PYGL: variants seen among roughly 807,000 people sequenced by gnomAD.
The protein encoded by PYGL is glycogen phosphorylase L, also known as glycogen phosphorylase, liver form.
A neutral mutation model predicts 100.1 loss-of-function variants in PYGL; 90 were observed. The observed-to-expected ratio is 0.90, with a 90% CI of 0.76 to 1.07. PYGL has a LOEUF of 1.07. Among genes scored for constraint, PYGL ranks in the 50% least tolerant of loss-of-function variants. PYGL has a pLI of 0.00. For missense variants in PYGL, 1,016 were observed against 1,057.6 expected (o/e 0.96, Z 0.55); for synonymous variants, 373 against 393.0 (o/e 0.95, Z 0.60).
chr14:50,935,290 T>C, intron 2 of PYGL, 105 bp from the exon 3 acceptor site: 2 of 937,424 alleles, frequency 2.1e-6, no homozygotes, highest in Non-Finnish European at 3.4e-6. Context: ...GGTTTAGCTG[T>C]GTACCTAATC....
At chr14:50,924,505 G>T (rs956027609) in intron 4 of PYGL, among the ~76,000 whole-genome samples, 1 of 152,050 alleles carries the variant, frequency 6.6e-6, no homozygotes. Flanking sequence ...GATGTTTATC[G>T]TTGGATACCT....
intron 5 of PYGL, chr14:50,923,152 T>C (rs977737494): frequency 1.1e-4 from 17 of 152,240 alleles, no homozygotes; most frequent in African/African-American, 2.7e-4. Context: ...CTCTCTCTAA[T>C]TGAATTTCTG....
At chr14:50,933,047 G>A (rs1298097228) in intron 3 of PYGL, among the ~76,000 whole-genome samples, 1 of 152,168 alleles carries the variant, frequency 6.6e-6, no homozygotes, top group African/African-American at 2.4e-5. Flanking sequence ...TATCTTTAGA[G>A]GGGGTCCCAA....
intron 16 of PYGL, among the ~76,000 whole-genome samples, chr14:50,911,389 T>G (rs775484453): frequency 6.6e-6 from 1 of 152,232 alleles, no homozygotes; most frequent in Non-Finnish European, 1.5e-5. Flanking sequence ...TGGTGTTCTC[T>G]TGCAAAACTG....
rs750336848 is a variant in PYGL at position 50,912,320 on chromosome 14, T to A, written c.1621-17A>T. The A allele has an allele frequency of 1.2e-6, 2 of 1,613,122 alleles. No individual in the cohort carries two copies. Among genetic ancestry groups the A allele is most frequent in the Non-Finnish European group, 1.7e-6 (2 of 1,179,578 alleles). On this transcript the variant is annotated splice_polypyrimidine_tract_variant and intron_variant, in intron 13 of 19. Transcript: ENST00000216392. ...CTTATTCTCCTGTTAAGACAGTGCA[T>A]GGTGCCAGAGCTCTTTTGGCCTAGA...
At chr14:50,906,088 C>T (rs2050333496) in intron 19 of PYGL, among the ~76,000 whole-genome samples, 1 of 152,200 alleles carries the variant, frequency 6.6e-6, no homozygotes, top group Admixed American at 6.5e-5. Flanking sequence ...TAGGCTTACA[C>T]TGAGTCCCAA....
intron 2 of PYGL, among the ~76,000 whole-genome samples, chr14:50,936,611 C>A (rs2139196323): frequency 6.6e-6 from 1 of 152,236 alleles, no homozygotes; most frequent in African/African-American, 2.4e-5. Flanking sequence ...GAGTTCGAGA[C>A]CAGCTTGGCC....
intron 17 of PYGL, among the ~76,000 whole-genome samples, chr14:50,909,380 C>T (rs1014402490): frequency 6.6e-6 from 1 of 152,178 alleles, no homozygotes; most frequent in Non-Finnish European, 1.5e-5. Flanking sequence ...TCAACATCCT[C>T]CAAATGTTAC....
At chr14:50,908,707 A>C (rs2050358536) in intron 18 of PYGL, 114 bp downstream of exon 18, 6 of 1,433,010 alleles carry the variant, frequency 4.2e-6, no homozygotes, top group Non-Finnish European at 3.9e-6. Context: ...AGTGGGTTTA[A>C]GTTGGTTTAA....
chr14:50,908,138 TG>T (rs1222780405), intron 19 of PYGL, 132 bp downstream of exon 19: 20 of 677,072 alleles, frequency 3.0e-5, no homozygotes, highest in South Asian at 9.8e-5. Flanking sequence ...TTGTTTTTGT[TG>T]TTTTTTTTTT....
chr14:50,923,892 A>G (rs2050523602), intron 5 of PYGL, 77 bp downstream of exon 5: 2 of 1,507,062 alleles, frequency 1.3e-6, no homozygotes, highest in East Asian at 2.3e-5. Flanking sequence ...TATCACCACT[A>G]TATGCTACAT....
intron 7 of PYGL, among the ~76,000 whole-genome samples, chr14:50,919,991 T>G (rs1250720946): frequency 7.3e-6 from 1 of 137,166 alleles, no homozygotes; most frequent in Non-Finnish European, 1.6e-5. Flanking sequence ...GCCCCAAGTG[T>G]TTTTTTTTTT....
intron 4 of PYGL, among the ~76,000 whole-genome samples, chr14:50,927,270 G>A (rs1042205375): frequency 6.6e-6 from 1 of 152,068 alleles, no homozygotes; most frequent in Non-Finnish European, 1.5e-5. Flanking sequence ...TGTCGCCCAG[G>A]CTGGAGTCCA....
chr14:50,909,330 C>G (rs1167244799), intron 17 of PYGL, among the ~76,000 whole-genome samples: 1 of 152,146 alleles, frequency 6.6e-6, no homozygotes, highest in African/African-American at 2.4e-5. Flanking sequence ...AAAGTTGTTG[C>G]TACTGAGTGA....
chr14:50,907,102 T>C (rs1355807429), intron 19 of PYGL, among the ~76,000 whole-genome samples: 2 of 152,322 alleles, frequency 1.3e-5, no homozygotes, highest in Admixed American at 6.5e-5. Flanking sequence ...ATGATCAACC[T>C]TTTTACATAT....
In PYGL at chr14:50,919,658, T is replaced by A. The variant is rs995681795; in HGVS notation, c.855+883A>T. On this transcript the variant is annotated intron_variant, in intron 7 of 19. Coordinates refer to ENST00000216392, the MANE Select transcript of PYGL (RefSeq NM_002863.5). ...TCAATAGCAGTTATCTGAGATCCAGTTCCAAGTGGTGTGTGTGTGTGTGTG... is the reference window on the plus strand; with the variant it reads ...TCAATAGCAGTTATCTGAGATCCAGATCCAAGTGGTGTGTGTGTGTGTGTG... Among the ~76,000 whole-genome samples, 6 of 137,152 alleles carry A rather than the reference T, an allele frequency of 4.4e-5. No individual in the cohort carries two copies. The South Asian group carries it at 1.2e-3, about 28-fold the overall frequency. 90.0% of individuals were successfully genotyped at this position (137,152 alleles called of 152,430 possible). A position where few individuals can be genotyped will look rare whatever the true frequency, so the allele number is the denominator to read the frequency against.
intron 19 of PYGL, among the ~76,000 whole-genome samples, chr14:50,907,147 C>T (rs191288778): frequency 2.6e-5 from 4 of 152,266 alleles, no homozygotes; most frequent in East Asian, 1.9e-4. Context: ...TTTGATAAAG[C>T]GTATAACTTT....
chr14:50,937,384 T>G (rs1320721444), intron 2 of PYGL, among the ~76,000 whole-genome samples: 1 of 151,600 alleles, frequency 6.6e-6, no homozygotes, highest in Non-Finnish European at 1.5e-5. Context: ...AAAAATGAGA[T>G]AGAAGCCCAA....
intron 3 of PYGL, among the ~76,000 whole-genome samples, chr14:50,934,265 G>C (rs989170802): frequency 6.6e-6 from 1 of 152,150 alleles, no homozygotes; most frequent in Non-Finnish European, 1.5e-5. Flanking sequence ...TTGCCCACTA[G>C]TCAATCAAGC....
Sources: allele counts gnomAD v4.1 joint callset (sites outside exome capture counted in the v4.1 genomes callset), GRCh38; gene constraint gnomAD v4.1.1; transcripts MANE v1.5; gene names NCBI Gene and HGNC (gene_info 2026-07-23, HGNC 2026-07-21).